The following PCDHGA11 variants were observed in gnomAD, a reference collection of about 807,000 sequenced individuals.
PCDHGA11 encodes the protein protocadherin gamma subfamily A, 11, also known as protocadherin gamma-A11.
PCDHGA11 carries 39 observed loss-of-function variants against 60.4 expected under a neutral mutation model. The ratio of observed to expected loss-of-function variants is 0.65; its 90% CI spans 0.50 to 0.84. PCDHGA11 has a LOEUF of 0.84. Ranked by LOEUF, PCDHGA11 falls within the 40% of genes least tolerant of loss-of-function variation. The pLI, the probability that PCDHGA11 is intolerant of heterozygous loss-of-function variation, is 0.00. For missense variants in PCDHGA11, 1,165 were observed against 1,197.7 expected (o/e 0.97, Z 0.40); for synonymous variants, 533 against 510.3 (o/e 1.04, Z -0.60).
chr5:141,510,420 G>T (rs1275392355), intron 3 of PCDHGA11, among the ~76,000 whole-genome samples: 3 of 152,126 alleles, frequency 2.0e-5, no homozygotes, highest in African/African-American at 7.2e-5. Flanking sequence ...TAAAGCCATG[G>T]TTTCATGGCT....
intron 1 of PCDHGA11, among the ~76,000 whole-genome samples, chr5:141,437,415 G>A: frequency 6.6e-6 from 1 of 152,162 alleles, no homozygotes; most frequent in Non-Finnish European, 1.5e-5. Context: ...GAAGTATTAT[G>A]CTTTTTGAAG....
In PCDHGA11 at chr5:141,431,770, T is replaced by G. The variant is rs748816389; in HGVS notation, c.2433+8110T>G. The G allele has an allele frequency of 3.7e-6, 6 of 1,614,204 alleles. No homozygotes were observed. In the South Asian group the frequency reaches 6.6e-5, roughly 18 times the overall value. ...CGCGAGCCAAAGTCCTGATCACTGT[T>G]CTGGACGTGAACGACAATGCCCCAG... On this transcript the variant is annotated intron_variant, in intron 1 of 3. Coordinates refer to ENST00000398587, the MANE Select transcript of PCDHGA11 (RefSeq NM_018914.3). The surrounding 1 kb of genome is among the most constrained non-coding windows in gnomAD (Gnocchi z 4.8).
At position 141,485,320 on chromosome 5, in the gene PCDHGA11, T is replaced by G; in HGVS notation, c.2434-9487T>G. The G allele has an allele frequency of 6.2e-7, 1 of 1,614,114 alleles. No individual in the cohort carries two copies. The highest frequency in any genetic ancestry group is 8.5e-7 in the Non-Finnish European group (1 of 1,180,018). ...AAGGGACTTTTGTAGGGAATGTCGC[T>G]CAAGATTTCCTGCTGGATACGGACA... is the stretch of plus-strand genomic sequence containing the variant. On this transcript the variant is annotated intron_variant, in intron 1 of 3. Transcript: ENST00000398587. The surrounding 1 kb of genome is among the most constrained non-coding windows in gnomAD (Gnocchi z 5.7).
intron 1 of PCDHGA11, among the ~76,000 whole-genome samples, chr5:141,460,365 A>G (rs887924740): frequency 6.6e-6 from 1 of 152,180 alleles, no homozygotes; most frequent in African/African-American, 2.4e-5. Context: ...TAGAAGTTTT[A>G]TAGTTTTACC....
intron 1 of PCDHGA11, among the ~76,000 whole-genome samples, chr5:141,438,633 TATACACAC>T (rs1401551511): frequency 0.055 from 1,851 of 33,458 alleles, 10 homozygotes; most frequent in African/African-American, 0.082. Flanking sequence ...TATATATATA[TATACACAC>T]ACACACACAC....
chr5:141,501,831 C>G (rs1246452764), intron 2 of PCDHGA11, among the ~76,000 whole-genome samples: 1 of 152,176 alleles, frequency 6.6e-6, no homozygotes, highest in African/African-American at 2.4e-5. Context: ...GCCCACCCAC[C>G]TGTTTGGCCC....
chr5:141,441,289 T>C (rs1350801949), intron 1 of PCDHGA11: 1 of 152,212 alleles, frequency 6.6e-6, no homozygotes, highest in Non-Finnish European at 1.5e-5. Flanking sequence ...CGAGGTCACA[T>C]GTCTGATATA....
In PCDHGA11 at chr5:141,421,342, G is replaced by A. The variant is rs199737254; in HGVS notation, c.115G>A (p.Glu39Lys). Reference protein sequence around the residue: ...ARQIRYSVPEETEKGSFVGNI... With the variant: ...ARQIRYSVPEKTEKGSFVGNI... The stretch of plus-strand genomic sequence containing the variant: ...GCAGATCCGATATTCGGTGCCAGAA[G>A]AGACCGAAAAGGGCTCCTTCGTGGG... Residue 39 changes from glutamate (E) to lysine (K), a missense_variant, in exon 1 of 4, where the codon GAG (glutamate) becomes AAG (lysine). Physicochemically the swap from Glu to Lys is moderately conservative, Grantham distance 56. Transcript: ENST00000398587. 1.5e-5 allele frequency: 25 copies of A among 1,613,872 alleles called. No homozygotes were observed. Among genetic ancestry groups the A allele is most frequent in the Non-Finnish European group, 1.9e-5 (23 of 1,179,912 alleles).
chr5:141,481,348 T>C (rs2099536105), intron 1 of PCDHGA11, among the ~76,000 whole-genome samples: 1 of 152,250 alleles, frequency 6.6e-6, no homozygotes, highest in Non-Finnish European at 1.5e-5. Flanking sequence ...TATTTAAACA[T>C]CTACAGCTGT....
intron 2 of PCDHGA11, among the ~76,000 whole-genome samples, chr5:141,501,877 A>G (rs1267260445): frequency 1.3e-5 from 2 of 151,690 alleles, no homozygotes; most frequent in East Asian, 3.9e-4. Flanking sequence ...GCCTCCTTAC[A>G]CTCCTGATCA....
At chr5:141,510,304 A>G (rs1030803209) in intron 3 of PCDHGA11, among the ~76,000 whole-genome samples, 1 of 151,732 alleles carries the variant, frequency 6.6e-6, no homozygotes, top group Non-Finnish European at 1.5e-5. Context: ...CTGTTTTGAA[A>G]TGGAGGCTTG....
At position 141,422,117 on chromosome 5, in the gene PCDHGA11, C is replaced by A; in HGVS notation, c.890C>A (p.Ser297Ter). 6.2e-7 allele frequency: 1 copy of A among 1,604,272 alleles called. No individual in the cohort carries two copies. Among genetic ancestry groups the A allele is most frequent in the East Asian group, 2.2e-5 (1 of 44,822 alleles). Residue 297 changes from serine (S) to a stop codon, truncating the protein, a stop_gained, in exon 1 of 4, where the codon TCA (serine) becomes TAA (stop). Transcript: ENST00000398587. LOFTEE classifies it high-confidence loss of function. ...GCTTCTGAAATATTCCAATTGGATT[C>A]ACAAACTGGAGAAGTTCAAGTACGG... is the stretch of plus-strand genomic sequence containing the variant. ...SKASEIFQLD[S>*]QTGEVQVRGS... is the part of the protein sequence containing the mutation.
At chr5:141,464,407 A>C (rs996561936) in intron 1 of PCDHGA11, among the ~76,000 whole-genome samples, 1 of 151,544 alleles carries the variant, frequency 6.6e-6, no homozygotes, top group Non-Finnish European at 1.5e-5. Flanking sequence ...CCTGAGATAT[A>C]TATATATCTA....
intron 1 of PCDHGA11, among the ~76,000 whole-genome samples, chr5:141,464,984 C>T (rs1345385418): frequency 1.3e-5 from 2 of 152,034 alleles, no homozygotes; most frequent in Non-Finnish European, 2.9e-5. Flanking sequence ...TCAAGTGATC[C>T]TCCCACCTCA....
In PCDHGA11 at chr5:141,476,264, G is replaced by A. The variant is rs753184649; in HGVS notation, c.2434-18543G>A. The A allele has an allele frequency of 2.5e-6, 4 of 1,614,082 alleles. No individual in the cohort carries two copies. The highest frequency in any genetic ancestry group is 3.4e-6 in the Non-Finnish European group (4 of 1,180,010). Reference sequence around the variant, plus strand: ...AGAGAAGGGTTTCGCTGTGGGCAACGTGGTCGCGAACCTTGGTTTGGATCT... The same window carrying A: ...AGAGAAGGGTTTCGCTGTGGGCAACATGGTCGCGAACCTTGGTTTGGATCT... On this transcript the variant is annotated intron_variant, in intron 1 of 3. Coordinates refer to ENST00000398587, the MANE Select transcript of PCDHGA11 (RefSeq NM_018914.3). The surrounding 1 kb of genome is among the most constrained non-coding windows in gnomAD (Gnocchi z 7.6).
intron 1 of PCDHGA11, chr5:141,479,196 C>T (rs2099489838): frequency 2.0e-5 from 3 of 152,432 alleles, no homozygotes; most frequent in African/African-American, 7.2e-5. Context: ...TCAGAAAATA[C>T]AGAAAAGTAT....
In PCDHGA11 at chr5:141,493,269, C is replaced by T. The variant is rs142898207; in HGVS notation, c.2434-1538C>T. ...ACATGCCTCTCTTATAACAGCTTCA[C>T]AGAGGTCAAGTGACTTGCTCAAGTT... is the stretch of plus-strand genomic sequence containing the variant. On this transcript the variant is annotated intron_variant, in intron 1 of 3. Coordinates refer to ENST00000398587, the MANE Select transcript of PCDHGA11 (RefSeq NM_018914.3). This position sits in a 1 kb window ranked among gnomAD's most constrained non-coding sequence, Gnocchi z 4.3. Among the ~76,000 whole-genome samples the T allele has an allele frequency of 1.3e-5, 2 of 152,322 alleles. No individual in the cohort carries two copies. The highest frequency in any genetic ancestry group is 4.8e-5 in the African/African-American group (2 of 41,570).
chr5:141,453,676 C>T (rs1387074223), intron 1 of PCDHGA11, among the ~76,000 whole-genome samples: 1 of 152,174 alleles, frequency 6.6e-6, no homozygotes, highest in Admixed American at 6.6e-5. Flanking sequence ...AAAGGTAACA[C>T]ACTATGTAGG....
At position 141,487,728 on chromosome 5, in the gene PCDHGA11, C is replaced by T. The variant is rs986276637; in HGVS notation, c.2434-7079C>T. 2 of 1,570,444 alleles carry T rather than the reference C, an allele frequency of 1.3e-6. No homozygotes were observed. Among genetic ancestry groups the T allele is most frequent in the East Asian group, 2.3e-5 (1 of 42,866 alleles). ...TCAGTAAGTGCCCATAGTGATGTCA[C>T]CATTTTTGTAAGAGGTAACTATGTG... On this transcript the variant is annotated intron_variant, in intron 1 of 3. Coordinates refer to ENST00000398587, the MANE Select transcript of PCDHGA11 (RefSeq NM_018914.3). The surrounding 1 kb of genome is among the most constrained non-coding windows in gnomAD (Gnocchi z 5.0).
Sources: allele counts gnomAD v4.1 joint callset (sites outside exome capture counted in the v4.1 genomes callset), GRCh38; gene constraint gnomAD v4.1.1; non-coding constraint Gnocchi (gnomAD v3.1); transcripts MANE v1.5; gene names NCBI Gene and HGNC (gene_info 2026-07-23, HGNC 2026-07-21).